Variants in GRID2 observed in about 807,000 individuals in gnomAD.
GRID2 encodes the protein glutamate receptor ionotropic, delta-2.
In GRID2, 33 loss-of-function variants were observed where a neutral mutation model predicts 114.8. The observed-to-expected ratio is 0.29, with a 90% CI of 0.22 to 0.38. The LOEUF (loss-of-function observed/expected upper bound fraction) is 0.38, where lower values mean the gene tolerates loss of function less well. Among genes scored for constraint, GRID2 ranks in the 10% least tolerant of loss-of-function variants. The pLI is 1.00. For synonymous variants in GRID2, 505 were observed against 449.9 expected, an observed-to-expected ratio of 1.12 and a Z score of -1.55; for missense variants, 1,184 against 1,257.7, an observed-to-expected ratio of 0.94 and a Z score of 0.89.
intron 1 of GRID2, among the ~76,000 whole-genome samples, chr4:92,493,191 G>A (rs1239763295): frequency 6.7e-6 from 1 of 150,076 alleles, no homozygotes; most frequent in East Asian, 2.0e-4. Context: ...TTACTATTTC[G>A]CTAAGAAAAA....
At chr4:92,555,471 T>G (rs538379531) in intron 1 of GRID2, among the ~76,000 whole-genome samples, 2 of 152,092 alleles carry the variant, frequency 1.3e-5, no homozygotes, top group African/African-American at 4.8e-5. Context: ...GTGTTCAGGA[T>G]GATAACAGAT....
chr4:93,396,121 A>T (rs1765308444), intron 9 of GRID2, among the ~76,000 whole-genome samples: 1 of 152,028 alleles, frequency 6.6e-6, no homozygotes, highest in South Asian at 2.1e-4. Flanking sequence ...TACATTCTCT[A>T]ATAGTGAAAT....
intron 8 of GRID2, among the ~76,000 whole-genome samples, chr4:93,319,412 A>G (rs1024761263): frequency 2.0e-5 from 3 of 152,148 alleles, no homozygotes; most frequent in Non-Finnish European, 4.4e-5. Flanking sequence ...CATTAAAAAT[A>G]TTAATAGTAA....
intron 2 of GRID2, among the ~76,000 whole-genome samples, chr4:93,031,821 G>A (rs752616580): frequency 1.3e-5 from 2 of 151,816 alleles, no homozygotes; most frequent in Non-Finnish European, 2.9e-5. Flanking sequence ...AAACAGTAGG[G>A]TAAGGTTGTA....
At chr4:92,988,528 T>C (rs2149199230) in intron 2 of GRID2, among the ~76,000 whole-genome samples, 1 of 152,242 alleles carries the variant, frequency 6.6e-6, no homozygotes, top group Admixed American at 6.5e-5. Flanking sequence ...GGTCACTAGA[T>C]CCAGATCTCA....
intron 4 of GRID2, among the ~76,000 whole-genome samples, chr4:93,203,190 C>T (rs1324233193): frequency 6.6e-6 from 1 of 152,116 alleles, no homozygotes; most frequent in Non-Finnish European, 1.5e-5. Flanking sequence ...TCTCAGAGAA[C>T]TCATGCCAGC....
chr4:93,749,742 T>C (rs1250883909), intron 14 of GRID2, among the ~76,000 whole-genome samples: 1 of 152,204 alleles, frequency 6.6e-6, no homozygotes, highest in Non-Finnish European at 1.5e-5. Context: ...CAGAGCTAAG[T>C]AATGATTCTT....
intron 4 of GRID2, among the ~76,000 whole-genome samples, chr4:93,122,890 GTTTTTTTTT>G (rs886185779): frequency 2.9e-5 from 2 of 69,804 alleles, no homozygotes; most frequent in Non-Finnish European, 5.1e-5. Context: ...ACAGATGTGG[GTTTTTTTTT>G]TTTTTTTTTT....
intron 14 of GRID2, among the ~76,000 whole-genome samples, chr4:93,690,056 A>G (rs1726420423): frequency 6.6e-6 from 1 of 152,076 alleles, no homozygotes; most frequent in Non-Finnish European, 1.5e-5. Flanking sequence ...GTATAATTTT[A>G]TATCTTCCTT....
chr4:92,476,399 C>G (rs1023439998), intron 1 of GRID2, among the ~76,000 whole-genome samples: 1 of 152,044 alleles, frequency 6.6e-6, no homozygotes, highest in South Asian at 2.1e-4. Flanking sequence ...TATTTAAACA[C>G]GACAACAATC....
chr4:92,876,782 A>C (rs2149452314), intron 2 of GRID2, among the ~76,000 whole-genome samples: 1 of 152,354 alleles, frequency 6.6e-6, no homozygotes, highest in Non-Finnish European at 1.5e-5. Flanking sequence ...AGGACAGGGT[A>C]GAGACTAAGA....
intron 1 of GRID2, among the ~76,000 whole-genome samples, chr4:92,424,601 A>G (rs965772198): frequency 6.6e-6 from 1 of 152,044 alleles, no homozygotes; most frequent in African/African-American, 2.4e-5. Context: ...TAAAACATCT[A>G]TAAAAGAACT....
intron 8 of GRID2, among the ~76,000 whole-genome samples, chr4:93,260,494 G>A (rs961743127): frequency 2.0e-5 from 3 of 151,418 alleles, no homozygotes; most frequent in Non-Finnish European, 3.0e-5. Context: ...CTTTGCATAC[G>A]ACTACATTAA....
intron 8 of GRID2, among the ~76,000 whole-genome samples, chr4:93,338,009 C>T (rs1039204455): frequency 6.6e-6 from 1 of 152,134 alleles, no homozygotes; most frequent in Non-Finnish European, 1.5e-5. Flanking sequence ...TTATCTCTAA[C>T]AATGTGCTGG....
intron 1 of GRID2, among the ~76,000 whole-genome samples, chr4:92,447,237 A>G (rs1433336826): frequency 1.3e-5 from 2 of 152,204 alleles, no homozygotes; most frequent in Non-Finnish European, 2.9e-5. Context: ...TGCTTTGTTT[A>G]TATGGTTTCC....
At chr4:93,132,740 A>G (rs898166095) in intron 4 of GRID2, among the ~76,000 whole-genome samples, 1 of 152,188 alleles carries the variant, frequency 6.6e-6, no homozygotes, top group African/African-American at 2.4e-5. Context: ...GCAGCTGTGT[A>G]GGCAGAGGGA....
At chr4:92,314,472 CA>C (rs1266828731) in intron 1 of GRID2, among the ~76,000 whole-genome samples, 2 of 151,980 alleles carry the variant, frequency 1.3e-5, no homozygotes, top group African/African-American at 4.8e-5. Context: ...ACTTTGGAAA[CA>C]TTTTTTTAAA....
rs192421610 is a variant in GRID2 at position 93,549,528 on chromosome 4, G to C, written c.2193+34117G>C. 1.1e-4 allele frequency among the ~76,000 whole-genome samples: 17 copies of C among 152,250 alleles called. No individual in the cohort carries two copies. The East Asian group carries it at 3.1e-3, about 28-fold the overall frequency. On this transcript the variant is annotated intron_variant, in intron 13 of 15. Coordinates refer to ENST00000282020, the MANE Select transcript of GRID2 (RefSeq NM_001510.4). ...CATATGGCATACTTCATATACAAAA[G>C]TAATAAGGGAAATGTTCAAAATTCA...
chr4:93,332,486 C>T (rs764720069), intron 8 of GRID2, among the ~76,000 whole-genome samples: 2 of 151,766 alleles, frequency 1.3e-5, no homozygotes, highest in African/African-American at 2.4e-5. Context: ...TTACTTACAA[C>T]CAGAGGAGTC....
Sources: gnomAD v4.1 joint callset for allele counts (sites outside exome capture counted in the v4.1 genomes callset) on GRCh38, gnomAD v4.1.1 for gene constraint, MANE v1.5 for transcripts, NCBI Gene and HGNC (gene_info 2026-07-23, HGNC 2026-07-21) for gene names.